Variants in CLSTN2 observed in about 807,000 individuals in gnomAD.
The protein encoded by CLSTN2 is calsyntenin-2.
CLSTN2 carries 48 observed loss-of-function variants against 101.2 expected under a neutral mutation model. The ratio of observed to expected loss-of-function variants is 0.47; its 90% CI spans 0.38 to 0.60. The LOEUF is 0.60. Ranked by LOEUF, CLSTN2 falls within the 20% of genes least tolerant of loss-of-function variation. The pLI is 0.00. For missense variants in CLSTN2, 1,160 were observed against 1,238.2 expected (o/e 0.94, Z 0.95); for synonymous variants, 481 against 463.6 (o/e 1.04, Z -0.48).
intron 8 of CLSTN2, chr3:140,506,783 A>T (rs1244451255): frequency 6.6e-6 from 1 of 152,210 alleles, no homozygotes; most frequent in Non-Finnish European, 1.5e-5. Context: ...TGGCTAGTCC[A>T]AATTGAAGTG....
intron 8 of CLSTN2, among the ~76,000 whole-genome samples, chr3:140,509,400 C>T (rs927629871): frequency 1.3e-5 from 2 of 152,174 alleles, no homozygotes; most frequent in Non-Finnish European, 2.9e-5. Flanking sequence ...TGAGGTGAGG[C>T]TGGAGAGTGA....
At chr3:140,399,966 GAA>G (rs200457908) in intron 2 of CLSTN2, among the ~76,000 whole-genome samples, 1 of 140,454 alleles carries the variant, frequency 7.1e-6, no homozygotes. Context: ...AGGGCAGCCT[GAA>G]AAAAAAAAAA....
chr3:140,122,733 G>A (rs555661784), intron 1 of CLSTN2, among the ~76,000 whole-genome samples: 1 of 152,262 alleles, frequency 6.6e-6, no homozygotes, highest in South Asian at 2.1e-4. Flanking sequence ...TGTTCCCTTG[G>A]TTTCCTAGAG....
intron 2 of CLSTN2, among the ~76,000 whole-genome samples, chr3:140,224,067 C>T (rs1380074847): frequency 6.6e-6 from 1 of 152,152 alleles, no homozygotes; most frequent in Non-Finnish European, 1.5e-5. Flanking sequence ...AATACCCTTA[C>T]AGTATAGTGA....
At chr3:140,372,103 T>A (rs1264396400) in intron 2 of CLSTN2, among the ~76,000 whole-genome samples, 1 of 152,158 alleles carries the variant, frequency 6.6e-6, no homozygotes, top group Non-Finnish European at 1.5e-5. Context: ...AGCAGGAGCT[T>A]TGTCTACTGT....
At chr3:140,143,280 G>A (rs1161443809) in intron 1 of CLSTN2, among the ~76,000 whole-genome samples, 1 of 152,144 alleles carries the variant, frequency 6.6e-6, no homozygotes, top group Non-Finnish European at 1.5e-5. Flanking sequence ...CTCACAACAT[G>A]CCATCTGCAA....
intron 1 of CLSTN2, among the ~76,000 whole-genome samples, chr3:140,120,957 C>A (rs1560101138): frequency 6.6e-6 from 1 of 152,230 alleles, no homozygotes; most frequent in Non-Finnish European, 1.5e-5. Flanking sequence ...ATTTTGGAAT[C>A]ATCTACTAGT....
At chr3:140,557,450 G>A (rs1224808183) in intron 11 of CLSTN2, among the ~76,000 whole-genome samples, 2 of 152,214 alleles carry the variant, frequency 1.3e-5, no homozygotes, top group East Asian at 3.8e-4. Context: ...AGGCTTAGGG[G>A]TAGGAAACAG....
chr3:140,344,417 C>T (rs547002520), intron 2 of CLSTN2, among the ~76,000 whole-genome samples: 2 of 152,340 alleles, frequency 1.3e-5, no homozygotes, highest in South Asian at 2.1e-4. Context: ...TCCAACATCA[C>T]GTTGCATGCC....
rs562995180 is a variant in CLSTN2 at position 140,114,107 on chromosome 3, T to C, written c.110-61844T>C. 9.2e-5 allele frequency among the ~76,000 whole-genome samples: 14 copies of C among 152,246 alleles called. No homozygotes were observed. The South Asian group carries it at 2.7e-3, about 29-fold the overall frequency. ...CAGGATGAGGCTCAGATTCCTTGCCTTGCCCATAAGGCTCAAAACACCCCA... is the reference window on the plus strand; with the variant it reads ...CAGGATGAGGCTCAGATTCCTTGCCCTGCCCATAAGGCTCAAAACACCCCA... On this transcript the variant is annotated intron_variant, in intron 1 of 16. Coordinates refer to ENST00000458420, the MANE Select transcript of CLSTN2 (RefSeq NM_022131.3).
chr3:140,116,394 G>A (rs1210462596), intron 1 of CLSTN2, among the ~76,000 whole-genome samples: 2 of 152,170 alleles, frequency 1.3e-5, no homozygotes, highest in Admixed American at 6.5e-5. Flanking sequence ...CTGAGCAGGA[G>A]GCTTGCTCAA....
intron 8 of CLSTN2, among the ~76,000 whole-genome samples, chr3:140,512,082 T>C (rs1934825625): frequency 6.6e-6 from 1 of 152,142 alleles, no homozygotes; most frequent in Non-Finnish European, 1.5e-5. Flanking sequence ...TCCCATTCTG[T>C]AGGTTTTCTG....
rs549583795 is a variant in CLSTN2, at chr3:140,128,687, G to A, written c.110-47264G>A. Among the ~76,000 whole-genome samples, 163 of 152,254 alleles carry A rather than the reference G, an allele frequency of 1.1e-3. 2 individuals are homozygous for A. The highest frequency in any genetic ancestry group is 6.8e-3 in the Middle Eastern group (2 of 292). On this transcript the variant is annotated intron_variant, in intron 1 of 16. Coordinates refer to ENST00000458420, the MANE Select transcript of CLSTN2 (RefSeq NM_022131.3). ...TGATCCTACTGGGAGAGATCTGGGC[G>A]AATAAATACCCCAATTCCTCTCTCC...
chr3:140,122,640 G>A (rs533294394), intron 1 of CLSTN2, among the ~76,000 whole-genome samples: 7 of 152,226 alleles, frequency 4.6e-5, no homozygotes, highest in South Asian at 2.1e-4. Flanking sequence ...AATCAGACAC[G>A]TGCAGAGAGT....
At chr3:140,020,578 C>G (rs761047989) in intron 1 of CLSTN2, among the ~76,000 whole-genome samples, 9 of 152,174 alleles carry the variant, frequency 5.9e-5, no homozygotes, top group Non-Finnish European at 1.0e-4. Flanking sequence ...AGGCAGGCAG[C>G]AGTTCTGTCC....
At chr3:140,133,557 G>A (rs2009554977) in intron 1 of CLSTN2, among the ~76,000 whole-genome samples, 3 of 152,168 alleles carry the variant, frequency 2.0e-5, no homozygotes, top group Admixed American at 6.5e-5. Flanking sequence ...ATGCAAGATA[G>A]TTTTGGGAAG....
intron 1 of CLSTN2, among the ~76,000 whole-genome samples, chr3:140,141,078 G>C (rs1015903124): frequency 3.3e-5 from 5 of 152,210 alleles, no homozygotes; most frequent in African/African-American, 7.2e-5. Context: ...CAGAGGTTAG[G>C]AAAGCCTTCT....
At chr3:140,377,599 CA>C (rs2087931028) in intron 2 of CLSTN2, among the ~76,000 whole-genome samples, 1 of 151,456 alleles carries the variant, frequency 6.6e-6, no homozygotes, top group South Asian at 2.1e-4. Context: ...AAATAAATTG[CA>C]AAAGTAGAAA....
chr3:140,079,752 AAAAAAAAAAGAAAG>A (rs1318759311), intron 1 of CLSTN2, among the ~76,000 whole-genome samples: 8 of 149,754 alleles, frequency 5.3e-5, no homozygotes, highest in Middle Eastern at 3.5e-3. Context: ...CTATGTCTCA[AAAAAAAAAAGAAAG>A]AAAAAAAAGA....
Sources: allele counts gnomAD v4.1 joint callset (sites outside exome capture counted in the v4.1 genomes callset), GRCh38; gene constraint gnomAD v4.1.1; transcripts MANE v1.5; gene names NCBI Gene and HGNC (gene_info 2026-07-23, HGNC 2026-07-21).